ZDHHC17: variants seen among roughly 807,000 people sequenced by gnomAD.
ZDHHC17 encodes the protein palmitoyltransferase ZDHHC17.
ZDHHC17 carries 40 observed loss-of-function variants against 90.3 expected under a neutral mutation model. The observed-to-expected ratio is 0.44, with a 90% CI of 0.34 to 0.58. ZDHHC17 has a LOEUF of 0.58. Among genes scored for constraint, ZDHHC17 ranks in the 20% least tolerant of loss-of-function variants. The probability of loss-of-function intolerance (pLI) is 0.01; values close to 1 mark genes in which losing one functional copy is unlikely to be tolerated. For missense variants in ZDHHC17, 614 were observed against 780.8 expected (o/e 0.79, Z 2.55); for synonymous variants, 235 against 252.4 (o/e 0.93, Z 0.65).
chr12:76,788,450 T>C (rs940652834), intron 1 of ZDHHC17, among the ~76,000 whole-genome samples: 10 of 152,174 alleles, frequency 6.6e-5, no homozygotes, highest in African/African-American at 2.4e-4. Flanking sequence ...AGGAAAAGAT[T>C]AATACATGTG....
rs573726519 is a variant in ZDHHC17 at position 76,850,701 on chromosome 12, T to C, written c.1761-146T>C. The C allele has an allele frequency of 1.7e-5, 15 of 879,334 alleles. No homozygotes were observed. In the East Asian group the frequency reaches 3.4e-4, roughly 20 times the overall value. 54.5% of individuals were successfully genotyped at this position (879,334 alleles called of 1,614,324 possible). On this transcript the variant is annotated intron_variant, in intron 16 of 16. Transcript: ENST00000426126. ...GAAACATGAAGGCATATATATTTTATAGAGTTATGAATTGGTTCCTTCTTG... is the reference window on the plus strand; with the variant it reads ...GAAACATGAAGGCATATATATTTTACAGAGTTATGAATTGGTTCCTTCTTG...
At chr12:76,849,341 A>AT (rs1491286435) in intron 15 of ZDHHC17, 35 bp from the exon 16 acceptor site, 1 of 1,118,786 alleles carries the variant, frequency 8.9e-7, no homozygotes, top group Admixed American at 2.9e-5. Context: ...AAAAAAAAAA[A>AT]CAAGAATAAT....
chr12:76,837,461 C>T (rs1189360058), intron 10 of ZDHHC17, among the ~76,000 whole-genome samples: 1 of 152,108 alleles, frequency 6.6e-6, no homozygotes, highest in Non-Finnish European at 1.5e-5. Flanking sequence ...TGCCACTGCA[C>T]TCTGGCCTGG....
At chr12:76,838,142 T>C (rs1953391741) in intron 10 of ZDHHC17, among the ~76,000 whole-genome samples, 2 of 152,196 alleles carry the variant, frequency 1.3e-5, no homozygotes, top group African/African-American at 4.8e-5. Flanking sequence ...TATGATCTTA[T>C]GTTTAAGCTT....
intron 1 of ZDHHC17, among the ~76,000 whole-genome samples, chr12:76,767,390 A>G (rs547633139): frequency 6.6e-6 from 1 of 152,372 alleles, no homozygotes; most frequent in East Asian, 1.9e-4. Flanking sequence ...TCTTATTAGT[A>G]TGCAAACTGC....
rs33935444 is a variant in ZDHHC17, at chr12:76,781,133, C to CAAAA, written c.94-16283_94-16280dup. Among the ~76,000 whole-genome samples the CAAAA allele has an allele frequency of 7.3e-4, 67 of 91,550 alleles. 1 individual carries two copies. The highest frequency in any genetic ancestry group is 2.5e-3 in the East Asian group (8 of 3,186). The allele number at this position is 91,550 out of a possible 152,430, so 60.1% of individuals were successfully genotyped here. On this transcript the variant is annotated intron_variant, in intron 1 of 16. Coordinates refer to ENST00000426126, the MANE Select transcript of ZDHHC17 (RefSeq NM_015336.4). ...TGGGCGACAAAGCGAGACTCCGTCTCAAAAAAAAAAAAAAAAAAAAATCTG... is the reference window on the plus strand; with the variant it reads ...TGGGCGACAAAGCGAGACTCCGTCTCAAAAAAAAAAAAAAAAAAAAAAAAATCTG...
At chr12:76,826,402 T>G (rs2137784010) in intron 8 of ZDHHC17, among the ~76,000 whole-genome samples, 1 of 152,348 alleles carries the variant, frequency 6.6e-6, no homozygotes, top group African/African-American at 2.4e-5. Flanking sequence ...TTCAGTGAAC[T>G]CTAGGAGCCT....
intron 2 of ZDHHC17, among the ~76,000 whole-genome samples, chr12:76,803,628 C>T (rs2137754339): frequency 6.6e-6 from 1 of 152,342 alleles, no homozygotes; most frequent in East Asian, 1.9e-4. Context: ...TGGCCATTCC[C>T]TTCACCCTGG....
intron 1 of ZDHHC17, among the ~76,000 whole-genome samples, chr12:76,782,403 G>A (rs1363627568): frequency 3.3e-5 from 5 of 152,232 alleles, no homozygotes; most frequent in African/African-American, 1.2e-4. Context: ...CATTCCTGGA[G>A]AAGAATAAAT....
chr12:76,849,424 T>C lies in ZDHHC17; in HGVS notation c.1714T>C (p.Tyr572His), dbSNP rs1261391131. Residue 572 changes from tyrosine (Y) to histidine (H), a missense_variant, in exon 16 of 17, where the codon TAC (tyrosine) becomes CAC (histidine). Coordinates refer to ENST00000426126, the MANE Select transcript of ZDHHC17 (RefSeq NM_015336.4). The stretch of plus-strand genomic sequence containing the variant: ...AAATGAAAGAATGAATGCCAGGAGA[T>C]ACAAGCACTTTAAAGTCACAACAAC... ...TTNERMNARR[Y>H]KHFKVTTTSI... 6.4e-7 allele frequency: 1 copy of C among 1,556,656 alleles called. No individual in the cohort carries two copies. Among genetic ancestry groups the C allele is most frequent in the Non-Finnish European group, 8.7e-7 (1 of 1,149,336 alleles).
chr12:76,781,725 A>G (rs765427163), intron 1 of ZDHHC17: 3 of 455,016 alleles, frequency 6.6e-6, no homozygotes, highest in Middle Eastern at 3.7e-4. Context: ...CCCAGTCACT[A>G]GTGTTCTGTT....
chr12:76,823,501 C>T (rs140810676), intron 8 of ZDHHC17, among the ~76,000 whole-genome samples: 7 of 152,134 alleles, frequency 4.6e-5, no homozygotes, highest in African/African-American at 9.7e-5. Context: ...AGTTAATTGC[C>T]GTAGAGTTTC....
chr12:76,828,420 A>C lies in ZDHHC17; in HGVS notation c.1071A>C (p.Ala357=). ...TTTTCGATCATTCAATGCATAGTGC[A>C]TTGCCCCTTGGGATATATTTGGCAA... ...KSFFDHSMHS[A]LPLGIYLATK... Residue 357 remains alanine (A), a synonymous_variant, in exon 10 of 17, where the codon GCA becomes GCC. Coordinates refer to ENST00000426126, the MANE Select transcript of ZDHHC17 (RefSeq NM_015336.4). 1 of 1,612,718 alleles carries C rather than the reference A, an allele frequency of 6.2e-7. No homozygotes were observed. The highest frequency in any genetic ancestry group is 2.2e-5 in the East Asian group (1 of 44,706).
At chr12:76,817,478 C>T (rs1224387097) in intron 7 of ZDHHC17, among the ~76,000 whole-genome samples, 4 of 151,970 alleles carry the variant, frequency 2.6e-5, no homozygotes, top group Non-Finnish European at 4.4e-5. Flanking sequence ...TGTAGACCTT[C>T]TGCCAATAGC....
intron 15 of ZDHHC17, among the ~76,000 whole-genome samples, chr12:76,849,026 C>A (rs978831277): frequency 6.8e-6 from 1 of 146,954 alleles, no homozygotes; most frequent in Non-Finnish European, 1.5e-5. Context: ...TGGCTCACAC[C>A]TGTAATCCCA....
intron 1 of ZDHHC17, among the ~76,000 whole-genome samples, chr12:76,788,851 C>A (rs1952726642): frequency 6.6e-6 from 1 of 151,790 alleles, no homozygotes; most frequent in African/African-American, 2.4e-5. Context: ...CATGCACCAC[C>A]ACGCCCAGCT....
chr12:76,781,245 A>G (rs960751618), intron 1 of ZDHHC17, among the ~76,000 whole-genome samples: 11 of 152,340 alleles, frequency 7.2e-5, no homozygotes, highest in African/African-American at 2.6e-4. Flanking sequence ...AGTTGAAGAT[A>G]CTTATAAGTT....
At chr12:76,845,853 G>C in intron 13 of ZDHHC17, 51 bp downstream of exon 13, 1 of 1,011,916 alleles carries the variant, frequency 9.9e-7, no homozygotes, top group East Asian at 2.5e-5. Context: ...GTTACTTTAG[G>C]TAATGAATAA....
chr12:76,770,069 A>C lies in ZDHHC17; in HGVS notation c.93+5740A>C, dbSNP rs567804830. 3.3e-5 allele frequency among the ~76,000 whole-genome samples: 5 copies of C among 152,218 alleles called. No homozygotes were observed. The South Asian group carries it at 1.0e-3, about 32-fold the overall frequency. ...CTTGCAATCCTGGGCACGTTATTGA[A>C]CTCTGCATCCCAATTTTCCAAACTA... On this transcript the variant is annotated intron_variant, in intron 1 of 16. Coordinates refer to ENST00000426126, the MANE Select transcript of ZDHHC17 (RefSeq NM_015336.4).
Sources: allele counts gnomAD v4.1 joint callset (sites outside exome capture counted in the v4.1 genomes callset), GRCh38; gene constraint gnomAD v4.1.1; transcripts MANE v1.5; gene names NCBI Gene and HGNC (gene_info 2026-07-23, HGNC 2026-07-21).